The following DISC1 variants were observed in gnomAD, a reference collection of about 807,000 sequenced individuals.
DISC1 encodes the protein disrupted in schizophrenia 1 protein.
Under a neutral mutation model 84.5 loss-of-function variants are expected in DISC1, and 57 were observed. That is an observed-to-expected ratio of 0.67 (90% CI 0.55 to 0.84). The LOEUF (loss-of-function observed/expected upper bound fraction) is 0.84. DISC1 is among the 40% of genes least tolerant of loss of function. The pLI is 0.00. For missense variants in DISC1, 1,000 were observed against 1,057.8 expected (o/e 0.95, Z 0.76); for synonymous variants, 411 against 415.2 (o/e 0.99, Z 0.12).
intron 9 of DISC1, among the ~76,000 whole-genome samples, chr1:231,876,200 C>T (rs1014331497): frequency 6.6e-5 from 10 of 152,136 alleles, no homozygotes; most frequent in African/African-American, 2.4e-4. Flanking sequence ...AGCACTATCC[C>T]CCGCATTGTA....
At chr1:231,957,131 C>T (rs770603086) in intron 9 of DISC1, among the ~76,000 whole-genome samples, 10 of 152,216 alleles carry the variant, frequency 6.6e-5, no homozygotes, top group Non-Finnish European at 1.2e-4. Context: ...CACAGTGGCC[C>T]GCTTGATTGG....
chr1:231,851,783 G>A (rs1215368951), intron 9 of DISC1, among the ~76,000 whole-genome samples: 3 of 152,162 alleles, frequency 2.0e-5, no homozygotes, highest in Non-Finnish European at 2.9e-5. Context: ...ATGGGCCGGC[G>A]GAAGAATGAG....
In DISC1 at chr1:231,954,283, GC is replaced by G. The variant is rs1456478067; in HGVS notation, c.1982-4543del. 6.6e-6 allele frequency among the ~76,000 whole-genome samples: 1 copy of G among 152,140 alleles called. No individual in the cohort carries two copies. Among genetic ancestry groups the G allele is most frequent in the Non-Finnish European group, 1.5e-5 (1 of 68,026 alleles). On this transcript the variant is annotated intron_variant, in intron 9 of 12. Coordinates refer to ENST00000439617, the MANE Select transcript of DISC1 (RefSeq NM_018662.3). This position sits in a 1 kb window ranked among gnomAD's most constrained non-coding sequence, Gnocchi z 4.8. ...CGTGTCCTTTTTCTATTTAATTAGT[GC>G]CAAGTATATGGTCTTGCATGAAGGA...
At chr1:231,920,429 C>T (rs1572062943) in intron 9 of DISC1, among the ~76,000 whole-genome samples, 2 of 152,224 alleles carry the variant, frequency 1.3e-5, no homozygotes, top group African/African-American at 4.8e-5. Flanking sequence ...CCATCCTCCC[C>T]TCTCCCAGCC....
chr1:231,849,951 GGAAGCATGAGAC>G (rs2083772562), intron 9 of DISC1, among the ~76,000 whole-genome samples: 1 of 152,158 alleles, frequency 6.6e-6, no homozygotes, highest in African/African-American at 2.4e-5. Flanking sequence ...ACAGAACTTT[GGAAGCATGAGAC>G]AGACTCTGTA....
chr1:231,933,213 C>G (rs1446929912), intron 9 of DISC1, among the ~76,000 whole-genome samples: 1 of 152,142 alleles, frequency 6.6e-6, no homozygotes, highest in Non-Finnish European at 1.5e-5. Context: ...CTTACCCAAG[C>G]TCAGTTGACT....
At chr1:231,886,636 A>G (rs2125993064) in intron 9 of DISC1, among the ~76,000 whole-genome samples, 1 of 152,320 alleles carries the variant, frequency 6.6e-6, no homozygotes, top group East Asian at 1.9e-4. Context: ...GTTTTACAAA[A>G]TGATTTGAAA....
intron 1 of DISC1, among the ~76,000 whole-genome samples, chr1:231,627,273 T>G (rs7512331): frequency 2.5e-4 from 38 of 152,156 alleles, no homozygotes; most frequent in African/African-American, 8.4e-4. Context: ...TGCTTGGGGT[T>G]TGGATCCGTC....
intron 3 of DISC1, among the ~76,000 whole-genome samples, chr1:231,714,129 A>G (rs927746254): frequency 1.3e-5 from 2 of 152,116 alleles, no homozygotes; most frequent in South Asian, 4.1e-4. Context: ...AATAAGAAAT[A>G]ATTCTATTTA....
intron 10 of DISC1, among the ~76,000 whole-genome samples, chr1:231,968,599 A>G (rs1321354993): frequency 1.3e-5 from 2 of 151,504 alleles, no homozygotes; most frequent in Non-Finnish European, 2.9e-5. Flanking sequence ...CTCAAAAAAA[A>G]AAAAAAAAAA....
Position 231,924,840 on chromosome 1 carries a change from T to A in DISC1, c.1982-33988T>A, listed in dbSNP as rs372301048. On this transcript the variant is annotated intron_variant, in intron 9 of 12. Coordinates refer to ENST00000439617, the MANE Select transcript of DISC1 (RefSeq NM_018662.3). ...CCTGGCTAATTTTTTGTATTTTTAG[T>A]AGAGACGGGGTTTCACCATGTTAGC... Among the ~76,000 whole-genome samples the A allele has an allele frequency of 1.3e-4, 20 of 152,060 alleles. No homozygotes were observed. In the East Asian group the frequency reaches 3.1e-3, roughly 24 times the overall value.
At chr1:231,850,968 G>A (rs1012456059) in intron 9 of DISC1, among the ~76,000 whole-genome samples, 3 of 152,192 alleles carry the variant, frequency 2.0e-5, no homozygotes, top group Non-Finnish European at 4.4e-5. Flanking sequence ...CTCTTACAGG[G>A]AAACCAGCAC....
chr1:231,869,922 G>A (rs1010990379), intron 9 of DISC1, among the ~76,000 whole-genome samples: 7 of 152,140 alleles, frequency 4.6e-5, no homozygotes, highest in African/African-American at 1.7e-4. Context: ...CTATCCTTTA[G>A]ACCTGGGGAG....
At chr1:232,034,366 T>C (rs1315159142) in intron 12 of DISC1, among the ~76,000 whole-genome samples, 1 of 152,206 alleles carries the variant, frequency 6.6e-6, no homozygotes, top group Non-Finnish European at 1.5e-5. Flanking sequence ...ATTTTACAAG[T>C]AGAATAATTA....
In DISC1 at chr1:231,860,667, G is replaced by A. The variant is rs181221146; in HGVS notation, c.1981+42150G>A. 1.2e-3 allele frequency among the ~76,000 whole-genome samples: 186 copies of A among 152,154 alleles called. 1 individual carries two copies. Among genetic ancestry groups the A allele is most frequent in the African/African-American group, 3.7e-3 (155 of 41,508 alleles). ...GGCTCCATGTCATAATATTTTTGCCGGCTGCAGAGTCTATTCTTTTCTATC... is the reference window on the plus strand; with the variant it reads ...GGCTCCATGTCATAATATTTTTGCCAGCTGCAGAGTCTATTCTTTTCTATC... On this transcript the variant is annotated intron_variant, in intron 9 of 12. Coordinates refer to ENST00000439617, the MANE Select transcript of DISC1 (RefSeq NM_018662.3).
chr1:232,035,858 C>T (rs183600495), intron 12 of DISC1, among the ~76,000 whole-genome samples: 21 of 152,292 alleles, frequency 1.4e-4, no homozygotes, highest in South Asian at 8.3e-4. Flanking sequence ...TGCTTGAACA[C>T]CCAGACGAGA....
chr1:231,844,550 C>T (rs981870460), intron 9 of DISC1, among the ~76,000 whole-genome samples: 2 of 152,128 alleles, frequency 1.3e-5, no homozygotes, highest in Non-Finnish European at 2.9e-5. Context: ...TTAAGAAATA[C>T]ATTGGTTTGG....
At chr1:231,674,197 A>G (rs1255557124) in intron 1 of DISC1, among the ~76,000 whole-genome samples, 1 of 152,226 alleles carries the variant, frequency 6.6e-6, no homozygotes, top group Non-Finnish European at 1.5e-5. Flanking sequence ...CAGTGAATTT[A>G]TGATGCGTAA....
intron 9 of DISC1, among the ~76,000 whole-genome samples, chr1:231,856,947 G>C (rs894264710): frequency 1.3e-5 from 2 of 152,162 alleles, no homozygotes; most frequent in Non-Finnish European, 2.9e-5. Context: ...TGCGGCGGCA[G>C]CATGAAAAAA....
Sources: gnomAD v4.1 joint callset for allele counts (sites outside exome capture counted in the v4.1 genomes callset) on GRCh38, gnomAD v4.1.1 for gene constraint, Gnocchi (gnomAD v3.1) non-coding constraint, MANE v1.5 for transcripts, NCBI Gene and HGNC (gene_info 2026-07-23, HGNC 2026-07-21) for gene names.